Variants in GALNS observed in about 807,000 individuals in gnomAD.
The protein encoded by GALNS is galactosamine (N-acetyl)-6-sulfatase.
GALNS carries 65 observed loss-of-function variants against 65.9 expected under a neutral mutation model. The ratio of observed to expected loss-of-function variants is 0.99; its 90% CI spans 0.81 to 1.21. The LOEUF (loss-of-function observed/expected upper bound fraction) is 1.21. GALNS is among the 50% of genes most tolerant of loss of function. GALNS has a pLI of 0.00. For synonymous variants in GALNS, 346 were observed against 288.9 expected (o/e 1.20, Z -2.00); for missense variants, 776 against 700.7 (o/e 1.11, Z -1.21).
intron 12 of GALNS, among the ~76,000 whole-genome samples, chr16:88,820,070 C>T (rs1180261854): frequency 1.3e-5 from 2 of 152,128 alleles, no homozygotes; most frequent in Non-Finnish European, 2.9e-5. Context: ...CTCAAGAGAT[C>T]CTCCTACCTC....
In GALNS at chr16:88,841,974, A is replaced by G. The variant is rs775971047; in HGVS notation, c.245-3T>C. 7 of 1,610,980 alleles carry G rather than the reference A, an allele frequency of 4.3e-6. No homozygotes were observed. Among genetic ancestry groups the G allele is most frequent in the Non-Finnish European group, 5.9e-6 (7 of 1,178,644 alleles). On this transcript the variant is annotated splice_polypyrimidine_tract_variant and splice_region_variant and intron_variant, in intron 2 of 13. Coordinates refer to ENST00000268695, the MANE Select transcript of GALNS (RefSeq NM_000512.5). Reference sequence around the variant, plus strand: ...TCCTGTGAGCAGTGCCGCCCTCGCTATGTGGAGGTGACAGAAACAGAAACT... The same window carrying G: ...TCCTGTGAGCAGTGCCGCCCTCGCTGTGTGGAGGTGACAGAAACAGAAACT...
At chr16:88,856,560 T>TCC in intron 1 of GALNS, 198 bp downstream of exon 1, 3 of 548,300 alleles carry the variant, frequency 5.5e-6, no homozygotes, top group Non-Finnish European at 6.6e-6. Flanking sequence ...CCGAGGGGCC[T>TCC]CCCCCTCCCC....
At chr16:88,837,142 C>T (rs184251095) in intron 5 of GALNS, among the ~76,000 whole-genome samples, 1 of 152,358 alleles carries the variant, frequency 6.6e-6, no homozygotes, top group Admixed American at 6.5e-5. Context: ...CCGGACCCGG[C>T]ACTGCCGTGT....
At position 88,818,128 on chromosome 16, in the gene GALNS, G is replaced by C. The variant is rs558654277; in HGVS notation, c.1365-4C>G. ...CTGGTACTCGGCGCTGGCAAAGCTG[G>C]GGACAGAGAGCTCTGGTCACACGGC... On this transcript the variant is annotated splice_polypyrimidine_tract_variant and splice_region_variant and intron_variant, in intron 12 of 13. Coordinates refer to ENST00000268695, the MANE Select transcript of GALNS (RefSeq NM_000512.5). The C allele has an allele frequency of 2.3e-5, 36 of 1,570,936 alleles. No individual in the cohort carries two copies. Among genetic ancestry groups the C allele is most frequent in the Non-Finnish European group, 2.7e-5 (32 of 1,166,166 alleles).
chr16:88,827,031 C>T (rs979871220), intron 9 of GALNS, 193 bp from the exon 10 acceptor site: 3 of 662,842 alleles, frequency 4.5e-6, no homozygotes, highest in Admixed American at 2.5e-5. Flanking sequence ...AAACCAGGCC[C>T]AAAGACCCCA....
chr16:88,817,483 T>G (rs1214921622), intron 13 of GALNS: 1 of 985,118 alleles, frequency 1.0e-6, no homozygotes, highest in South Asian at 4.7e-5. Context: ...GAGGCACAAA[T>G]GAGAACCTCG....
intron 10 of GALNS, among the ~76,000 whole-genome samples, chr16:88,826,310 G>A (rs140888112): frequency 6.6e-3 from 880 of 134,296 alleles, no homozygotes; most frequent in South Asian, 0.014. Flanking sequence ...GGGGCGGCGT[G>A]TGTCTGGGTA....
intron 12 of GALNS, among the ~76,000 whole-genome samples, chr16:88,820,066 AG>A (rs1910044394): frequency 6.6e-6 from 1 of 150,488 alleles, no homozygotes; most frequent in African/African-American, 2.5e-5. Context: ...GGGGCTCAAG[AG>A]ATCCTCCTAC....
intron 11 of GALNS, among the ~76,000 whole-genome samples, chr16:88,824,336 T>G (rs1287500015): frequency 2.0e-5 from 3 of 152,016 alleles, no homozygotes; most frequent in African/African-American, 7.3e-5. Context: ...CCTGTGCGTG[T>G]GGCGTTTCAC....
intron 1 of GALNS, among the ~76,000 whole-genome samples, chr16:88,848,977 G>C (rs879935173): frequency 6.6e-6 from 1 of 152,256 alleles, no homozygotes; most frequent in Non-Finnish European, 1.5e-5. Flanking sequence ...GCTTGGCAGG[G>C]TGGCCGCTCC....
At chr16:88,847,832 G>T (rs1967321466) in intron 1 of GALNS, among the ~76,000 whole-genome samples, 2 of 152,268 alleles carry the variant, frequency 1.3e-5, no homozygotes, top group Admixed American at 6.5e-5. Flanking sequence ...CCGCCCGGCA[G>T]CGCCTCCCTG....
At chr16:88,847,242 A>G (rs3784880) in intron 1 of GALNS, among the ~76,000 whole-genome samples, 68,101 of 151,984 alleles carry the variant, frequency 0.45, 18,049 homozygotes, top group African/African-American at 0.74. Context: ...ATGGTGGCAC[A>G]CACCTGTAAT....
At chr16:88,847,686 C>T (rs1436415940) in intron 1 of GALNS, among the ~76,000 whole-genome samples, 1 of 152,230 alleles carries the variant, frequency 6.6e-6, no homozygotes, top group Non-Finnish European at 1.5e-5. Flanking sequence ...CGCTGATTGT[C>T]TAAGGTTGAT....
At chr16:88,822,504 A>T in intron 12 of GALNS, 85 bp downstream of exon 12, 1 of 1,564,094 alleles carries the variant, frequency 6.4e-7, no homozygotes, top group East Asian at 2.3e-5. Flanking sequence ...GGCAGGGTGC[A>T]GAGGGCTCTG....
chr16:88,835,230 A>G lies in GALNS; in HGVS notation c.881T>C (p.Ile294Thr). ...FFTSDNGAAL[I>T]SAPEQGGSNG... The stretch of plus-strand genomic sequence containing the variant: ...GCACTCACCTTGTTCGGGGGCGGAA[A>G]TGAGGGCAGCGCCGTTGTCCGACGT... Residue 294 changes from isoleucine to threonine, a missense_variant, in exon 8 of 14, where the codon ATT becomes ACT. By Grantham distance (89) the Ile-to-Thr change is moderately conservative. Transcript: ENST00000268695. 6.3e-7 allele frequency: 1 copy of G among 1,594,630 alleles called. No homozygotes were observed. Among genetic ancestry groups the G allele is most frequent in the Non-Finnish European group, 8.6e-7 (1 of 1,169,508 alleles).
At chr16:88,835,408 C>G in intron 7 of GALNS, 56 bp from the exon 8 acceptor site, 1 of 1,605,946 alleles carries the variant, frequency 6.2e-7, no homozygotes, top group Non-Finnish European at 8.5e-7. Context: ...ACAAATGGAT[C>G]AGGCAGCCAA....
chr16:88,824,630 A>C (rs897247278), intron 11 of GALNS, 137 bp downstream of exon 11: 2 of 741,322 alleles, frequency 2.7e-6, no homozygotes, highest in African/African-American at 3.4e-5. Context: ...ACTGGGGGCC[A>C]CACAGAGAAG....
chr16:88,840,654 G>A lies in GALNS; in HGVS notation c.422+338C>T, dbSNP rs566955487. On this transcript the variant is annotated intron_variant, in intron 4 of 13. Transcript: ENST00000268695. ...CGCCACAGCTCCTGTGTGTAATGAC[G>A]TGGCCCCTCCAAGGACGACGTGGCA... is the stretch of plus-strand genomic sequence containing the variant. 1.9e-3 allele frequency: 780 copies of A among 400,450 alleles called. 1 individual carries two copies. The highest frequency in any genetic ancestry group is 3.1e-3 in the Non-Finnish European group (651 of 210,558). The allele number at this position is 400,450 out of a possible 1,614,324, so 24.8% of individuals were successfully genotyped here.
chr16:88,817,977 G>C, intron 13 of GALNS, 30 bp downstream of exon 13: 1 of 1,534,904 alleles, frequency 6.5e-7, no homozygotes, highest in Non-Finnish European at 8.8e-7. Flanking sequence ...CCCCGGCAAA[G>C]AGACGGCCGC....
Sources: allele counts gnomAD v4.1 joint callset (sites outside exome capture counted in the v4.1 genomes callset), GRCh38; gene constraint gnomAD v4.1.1; transcripts MANE v1.5; gene names NCBI Gene and HGNC (gene_info 2026-07-23, HGNC 2026-07-21).